Variants in PSMB8 observed in about 807,000 individuals in gnomAD.
PSMB8 encodes the protein proteasome subunit beta type-8.
In PSMB8, 20 loss-of-function variants were observed where a neutral mutation model predicts 32.3. That is an observed-to-expected ratio of 0.62 (90% confidence interval 0.44 to 0.90). The LOEUF (loss-of-function observed/expected upper bound fraction) is 0.90. Among genes scored for constraint, PSMB8 ranks in the 40% least tolerant of loss-of-function variants. PSMB8 has a pLI of 0.00. For synonymous variants in PSMB8, 131 were observed against 135.4 expected, an observed-to-expected ratio of 0.97 and a Z score of 0.23; for missense variants, 342 against 365.4, an observed-to-expected ratio of 0.94 and a Z score of 0.52.
chr6:32,842,614 TGA>T, intron 3 of PSMB8, 56 bp downstream of exon 3: 1 of 1,395,050 alleles, frequency 7.2e-7, no homozygotes, highest in Non-Finnish European at 1.0e-6. Context: ...AGCAATGATC[TGA>T]GAGATCCAGG....
chr6:32,842,345 G>A (rs942562703), intron 3 of PSMB8, 82 bp from the exon 4 acceptor site: 1 of 1,511,386 alleles, frequency 6.6e-7, no homozygotes, highest in African/African-American at 1.4e-5. Flanking sequence ...AAAGAGATAA[G>A]CATTGGAAAG....
Position 32,842,160 on chromosome 6 carries a change from T to C in PSMB8, c.511A>G (p.Ser171Gly). 1 of 1,613,154 alleles carries C rather than the reference T, an allele frequency of 6.2e-7. No homozygotes were observed. Among genetic ancestry groups the C allele is most frequent in the Non-Finnish European group, 8.5e-7 (1 of 1,180,050 alleles). Residue 171 changes from serine to glycine, a missense_variant, in exon 4 of 6, where the codon AGT (serine) becomes GGT (glycine). Transcript: ENST00000374882. The part of the protein sequence containing the change: ...QYRGMGLSMG[S>G]MICGWDKKGP... ...TTCTTATCCCAGCCACAGATCATAC[T>C]GCCCATAGAGAGGCCCATGCCCCGG...
In PSMB8 at chr6:32,841,701, G is replaced by A; in HGVS notation, c.572C>T (p.Thr191Ile). 6.2e-7 allele frequency: 1 copy of A among 1,612,848 alleles called. No individual in the cohort carries two copies. The highest frequency in any genetic ancestry group is 1.3e-5 in the African/African-American group (1 of 75,046). The change falls in exon 5 of 6, where the codon ACT (threonine) becomes ATT (isoleucine). Residue 191 changes from threonine (T) to isoleucine (I), a missense_variant. Transcript: ENST00000374882. ...PGLYYVDEHG[T>I]RLSGNMFSTG... is the part of the protein sequence containing the mutation. Reference sequence around the variant, plus strand: ...GGAGAACATATTTCCTGAGAGCCGAGTCCCATGTTCATCCACGTAGTAGAG... The same window carrying A: ...GGAGAACATATTTCCTGAGAGCCGAATCCCATGTTCATCCACGTAGTAGAG...
chr6:32,843,116 G>A (rs776546779), intron 1 of PSMB8, 27 bp from the exon 2 acceptor site: 3 of 1,612,770 alleles, frequency 1.9e-6, no homozygotes, highest in East Asian at 4.5e-5. Flanking sequence ...GGTTGAGAAA[G>A]GCAATGAAAA....
At chr6:32,844,300 G>A, upstream of PSMB8, 1 of 1,613,896 alleles carries the variant, frequency 6.2e-7, no homozygotes. Context: ...GGCATCCGCT[G>A]GAAACAGGGG....
rs1448546100 is a variant in PSMB8 at position 32,841,442 on chromosome 6, T to C, written c.742+89A>G. The C allele has an allele frequency of 5.8e-6, 8 of 1,368,148 alleles. No individual in the cohort carries two copies. The African/African-American group carries it at 1.0e-4, about 17-fold the overall frequency. 84.8% of individuals were successfully genotyped at this position (1,368,148 alleles called of 1,614,324 possible). ...TAGTAGAGACGGGGTTTCGCCATGTTGGCCAGGCTGGTTTCTCAATCTTAA... is the reference window on the plus strand; with the variant it reads ...TAGTAGAGACGGGGTTTCGCCATGTCGGCCAGGCTGGTTTCTCAATCTTAA... On this transcript the variant is annotated intron_variant, in intron 5 of 5. Coordinates refer to ENST00000374882, the MANE Select transcript of PSMB8 (RefSeq NM_148919.4).
At chr6:32,843,231 C>G in intron 1 of PSMB8, 142 bp from the exon 2 acceptor site, 2 of 969,150 alleles carry the variant, frequency 2.1e-6, no homozygotes, top group Non-Finnish European at 3.2e-6. Flanking sequence ...AATAACCAAT[C>G]TCTAGAAGGA....
chr6:32,843,741 C>T, intron 1 of PSMB8, 109 bp downstream of exon 1: 5 of 1,396,488 alleles, frequency 3.6e-6, no homozygotes, highest in Non-Finnish European at 5.0e-6. Flanking sequence ...TGAAGGCTAC[C>T]CCCGACCCTG....
upstream of PSMB8, chr6:32,844,289 G>A (rs747384165): frequency 5.6e-6 from 9 of 1,613,684 alleles, no homozygotes; most frequent in Non-Finnish European, 7.6e-6. Flanking sequence ...CTCCAGGCCC[G>A]GGCATCCGCT....
At position 32,843,923 on chromosome 6, in the gene PSMB8, C is replaced by T. The variant is rs1441728539; in HGVS notation, c.74G>A (p.Gly25Glu). Residue 25 changes from glycine to glutamate, a missense_variant, in exon 1 of 6, where the codon GGG becomes GAG. Coordinates refer to ENST00000374882, the MANE Select transcript of PSMB8 (RefSeq NM_148919.4). ...GTAGTGTCCTGGGTCCGAGCGACGC[C>T]CGCTTCCCGCAACCGGGAGAGCCGA... The part of the protein sequence containing the change: ...PESALPVAGS[G>E]RRSDPGHYSF... The T allele has an allele frequency of 6.2e-7, 1 of 1,612,700 alleles. No individual in the cohort carries two copies. The highest frequency in any genetic ancestry group is 1.6e-4 in the Middle Eastern group (1 of 6,062).
chr6:32,844,391 G>A, upstream of PSMB8: 1 of 1,613,944 alleles, frequency 6.2e-7, no homozygotes, highest in Non-Finnish European at 8.5e-7. Context: ...AGTGTCACGC[G>A]GGGTGGGGGT....
upstream of PSMB8, chr6:32,844,312 G>A (rs746384003): frequency 3.5e-5 from 57 of 1,613,794 alleles, no homozygotes; most frequent in Non-Finnish European, 4.7e-5. Flanking sequence ...AAACAGGGGT[G>A]GGTAGGGTCG....
chr6:32,844,511 G>A (rs55990966), upstream of PSMB8: 895 of 1,455,976 alleles, frequency 6.1e-4, 14 homozygotes, highest in East Asian at 0.019. Flanking sequence ...CGCGTGTAGG[G>A]GAAGGCGGCG....
Position 32,841,047 on chromosome 6 carries a change from A to T in PSMB8, c.743T>A (p.Met248Lys). Residue 248 changes from methionine (M) to lysine (K), a missense_variant and splice_region_variant, in exon 6 of 6, where the codon ATG becomes AAG. Physicochemically the swap from Met to Lys is moderately conservative, Grantham distance 95. Transcript: ENST00000374882. ...RDSYSGGVVN[M>K]YHMKEDGWVK... ...CCAACCATCTTCCTTCATGTGGTAC[A>T]CTGTGGACAAATGAGAAAAGAACAT... 2 of 1,607,394 alleles carry T rather than the reference A, an allele frequency of 1.2e-6. No individual in the cohort carries two copies.
rs767937121 is a variant in PSMB8 at position 32,841,578 on chromosome 6, A to G, written c.695T>C (p.Ile232Thr). ...EEAYDLGRRA[I>T]AYATHRDSYS... The stretch of plus-strand genomic sequence containing the variant: ...GCTGTCTCTGTGAGTGGCATAAGCA[A>G]TAGCCCTGCGGCCAAGGTCATAGGC... Residue 232 changes from isoleucine (I) to threonine (T), a missense_variant, in exon 5 of 6, where the codon ATT becomes ACT. By Grantham distance (89) the Ile-to-Thr change is moderately conservative. Transcript: ENST00000374882. The G allele has an allele frequency of 1.2e-5, 20 of 1,613,006 alleles. No individual in the cohort carries two copies. Among genetic ancestry groups the G allele is most frequent in the South Asian group, 3.3e-5 (3 of 91,072 alleles).
rs78909544 is a variant in PSMB8, at chr6:32,841,541, G to A, written c.732C>T (p.Gly244=). The A allele has an allele frequency of 5.2e-4, 842 of 1,612,132 alleles. 1 individual carries two copies. In the African/African-American group the frequency reaches 5.4e-3, roughly 10 times the overall value. ...GCATTGGTCTCTTACTATTGACAAC[G>A]CCTCCAGAATAGCTGTCTCTGTGAG... ...YATHRDSYSG[G]VVNMYHMKED... is the part of the protein sequence containing the mutation. Residue 244 remains glycine (G), a synonymous_variant, in exon 5 of 6, where the codon GGC becomes GGT. Transcript: ENST00000374882.
upstream of PSMB8, chr6:32,844,158 C>A: frequency 6.6e-7 from 1 of 1,515,502 alleles, no homozygotes; most frequent in South Asian, 1.2e-5. Flanking sequence ...TGGGGACCGG[C>A]TTCTCTGCTC....
intron 4 of PSMB8, 51 bp downstream of exon 4, chr6:32,842,083 G>T: frequency 6.2e-7 from 1 of 1,612,664 alleles, no homozygotes; most frequent in Non-Finnish European, 8.5e-7. Flanking sequence ...AAACAGATCT[G>T]TCATCCATAG....
At chr6:32,843,154 G>A in intron 1 of PSMB8, 65 bp from the exon 2 acceptor site, 2 of 1,574,896 alleles carry the variant, frequency 1.3e-6, no homozygotes, top group South Asian at 2.2e-5. Flanking sequence ...TCCAGGAAAA[G>A]GTTTTAGGGA....
Sources: gnomAD v4.1 joint callset for allele counts on GRCh38, gnomAD v4.1.1 for gene constraint, MANE v1.5 for transcripts, NCBI Gene and HGNC (gene_info 2026-07-23, HGNC 2026-07-21) for gene names.